KIF1B: variants seen among roughly 807,000 people sequenced by gnomAD.
KIF1B encodes the protein kinesin-like protein KIF1B.
Under a neutral mutation model 241.9 loss-of-function variants are expected in KIF1B, and 76 were observed. The observed-to-expected ratio is 0.31, with a 90% CI of 0.26 to 0.38. The LOEUF is 0.38. Ranked by LOEUF, KIF1B falls within the 10% of genes least tolerant of loss-of-function variation. KIF1B has a pLI of 1.00. For synonymous variants in KIF1B, 750 were observed against 796.7 expected (o/e 0.94, Z 0.99); for missense variants, 1,622 against 2,271.4 (o/e 0.71, Z 5.81).
At chr1:10,225,100 C>T (rs768207833) in intron 1 of KIF1B, among the ~76,000 whole-genome samples, 2 of 152,178 alleles carry the variant, frequency 1.3e-5, no homozygotes, top group Non-Finnish European at 2.9e-5. Flanking sequence ...GCCCACCGCT[C>T]ACCTCCTGCT....
intron 1 of KIF1B, among the ~76,000 whole-genome samples, chr1:10,213,196 T>C (rs1646720558): frequency 6.6e-6 from 1 of 152,108 alleles, no homozygotes; most frequent in Non-Finnish European, 1.5e-5. Context: ...ATATTTTTGA[T>C]TAAAAATAAT....
chr1:10,263,053 C>T (rs756965144), intron 5 of KIF1B, among the ~76,000 whole-genome samples: 3 of 151,982 alleles, frequency 2.0e-5, no homozygotes, highest in Non-Finnish European at 2.9e-5. Context: ...CTTCGGGAGG[C>T]GAATGGATCA....
At position 10,320,207 on chromosome 1, in the gene KIF1B, G is replaced by A. The variant is rs1651466483; in HGVS notation, c.2209+71G>A. On this transcript the variant is annotated intron_variant, in intron 23 of 48. Transcript: ENST00000676179. ...TTATATTATCAAATTAGTCATTTATGCATAATCAAAGCTGGATTCCTCTTA... is the reference window on the plus strand; with the variant it reads ...TTATATTATCAAATTAGTCATTTATACATAATCAAAGCTGGATTCCTCTTA... The A allele has an allele frequency of 7.6e-6, 8 of 1,047,104 alleles. No homozygotes were observed. In the Admixed American group the frequency reaches 1.4e-4, roughly 18 times the overall value. 64.9% of individuals were successfully genotyped at this position (1,047,104 alleles called of 1,614,324 possible).
rs1054467688 is a variant in KIF1B, at chr1:10,345,879, C to A, written c.3723C>A (p.Thr1241=). 9 of 1,614,188 alleles carry A rather than the reference C, an allele frequency of 5.6e-6. No individual in the cohort carries two copies. The highest frequency in any genetic ancestry group is 7.6e-6 in the Non-Finnish European group (9 of 1,180,018). The change falls in exon 35 of 49, where the codon ACC becomes ACA. Residue 1241 remains threonine, a synonymous_variant. Transcript: ENST00000676179. The stretch of plus-strand genomic sequence containing the variant: ...CCAAGTTAAACACGATGAGCAAAAC[C>A]AGCCTTGGCCAGAGCATGAGCAAGT... ...PATKLNTMSK[T]SLGQSMSKYD... is the part of the protein sequence containing the mutation.
At chr1:10,324,107 A>T (rs1236131187) in intron 25 of KIF1B, 45 bp downstream of exon 25, 1 of 1,582,706 alleles carries the variant, frequency 6.3e-7, no homozygotes, top group Non-Finnish European at 8.7e-7. Context: ...TTAGGAAATA[A>T]CAATGACCTG....
chr1:10,260,501 A>G (rs1239265747), intron 4 of KIF1B, among the ~76,000 whole-genome samples: 3 of 152,216 alleles, frequency 2.0e-5, no homozygotes, highest in Admixed American at 6.5e-5. Flanking sequence ...TTAAATTACT[A>G]TAACTTTTTT....
chr1:10,279,205 C>T, intron 14 of KIF1B, 67 bp downstream of exon 14: 1 of 1,071,404 alleles, frequency 9.3e-7, no homozygotes, highest in Non-Finnish European at 1.4e-6. Context: ...CTGGATCAGC[C>T]TTAAAATAAG....
chr1:10,285,398 A>G (rs1421534787), intron 15 of KIF1B, among the ~76,000 whole-genome samples: 1 of 152,208 alleles, frequency 6.6e-6, no homozygotes, highest in African/African-American at 2.4e-5. Flanking sequence ...AGACTCTTCA[A>G]GATTCAGGTA....
chr1:10,334,633 T>C lies in KIF1B; in HGVS notation c.3038T>C (p.Ile1013Thr), dbSNP rs1390367099. Residue 1013 changes from isoleucine (I) to threonine (T), a missense_variant, in exon 28 of 49, where the codon ATC becomes ACC. Transcript: ENST00000676179. ...TTTCTGCGTGTGGCTGTACAGGCCA[T>C]CGCAGGTAGGTGACCCTCTTCTGAA... ...RGFLRVAVQA[I>T]AADEEAPDYG... is the part of the protein sequence containing the mutation. The C allele has an allele frequency of 1.2e-6, 2 of 1,611,258 alleles. No homozygotes were observed. Among genetic ancestry groups the C allele is most frequent in the Non-Finnish European group, 1.7e-6 (2 of 1,177,454 alleles).
intron 1 of KIF1B, among the ~76,000 whole-genome samples, chr1:10,230,211 T>A (rs1007125073): frequency 6.6e-6 from 1 of 152,100 alleles, no homozygotes; most frequent in Non-Finnish European, 1.5e-5. Flanking sequence ...TTTATCCTGT[T>A]CTCGGGAACA....
intron 25 of KIF1B, 36 bp from the exon 26 acceptor site, chr1:10,324,719 CATT>C: frequency 6.2e-7 from 1 of 1,608,348 alleles, no homozygotes; most frequent in Non-Finnish European, 8.5e-7. Context: ...AATGCAATCT[CATT>C]ATATTAACCC....
intron 7 of KIF1B, 52 bp downstream of exon 7, chr1:10,268,315 G>T (rs1452415183): frequency 2.4e-6 from 3 of 1,251,922 alleles, no homozygotes; most frequent in Non-Finnish European, 3.5e-6. Context: ...GAGATTTTGA[G>T]AAGTCCCTTT....
chr1:10,231,408 T>C (rs926865063), intron 1 of KIF1B, among the ~76,000 whole-genome samples: 31 of 122,586 alleles, frequency 2.5e-4, no homozygotes, highest in Non-Finnish European at 4.5e-4. Context: ...TTTTGTGAGA[T>C]GGTGTCTTGC....
intron 15 of KIF1B, among the ~76,000 whole-genome samples, chr1:10,290,308 T>C (rs1416973662): frequency 6.6e-6 from 1 of 152,110 alleles, no homozygotes; most frequent in Non-Finnish European, 1.5e-5. Context: ...CTTATATTTA[T>C]ATAAGTGTAA....
At chr1:10,307,381 C>T (rs1168284773) in intron 22 of KIF1B, 10 of 691,836 alleles carry the variant, frequency 1.4e-5, no homozygotes, top group Admixed American at 6.1e-5. Context: ...ACAATCTCAG[C>T]TCACTGCAAC....
At chr1:10,339,690 C>T in intron 31 of KIF1B, 79 bp from the exon 32 acceptor site, 1 of 1,143,896 alleles carries the variant, frequency 8.7e-7, no homozygotes, top group Non-Finnish European at 1.3e-6. Context: ...TCTGTAGGAT[C>T]CACATTGGGC....
chr1:10,329,315 A>G (rs1326347437), intron 27 of KIF1B, among the ~76,000 whole-genome samples: 1 of 152,212 alleles, frequency 6.6e-6, no homozygotes, highest in African/African-American at 2.4e-5. Context: ...ACAATAATGC[A>G]ACATCACCCA....
rs1020134150 is a variant in KIF1B at position 10,368,518 on chromosome 1, G to C, written c.4804G>C (p.Gly1602Arg). The C allele has an allele frequency of 6.2e-7, 1 of 1,613,832 alleles. No individual in the cohort carries two copies. Among genetic ancestry groups the C allele is most frequent in the South Asian group, 1.1e-5 (1 of 91,074 alleles). Reference protein sequence around the residue: ...TFNREFSQVHGSVSDCKLSDI... With the variant: ...TFNREFSQVHRSVSDCKLSDI... ...CAACAGAGAATTCAGCCAGGTGCAC[G>C]GCAGCGTCAGTGACTGTAAGGTGAG... is the stretch of plus-strand genomic sequence containing the variant. The change falls in exon 44 of 49, where the codon GGC becomes CGC. Residue 1602 changes from glycine (G) to arginine (R), a missense_variant. Physicochemically the swap from Gly to Arg is moderately radical, Grantham distance 125. Coordinates refer to ENST00000676179, the MANE Select transcript of KIF1B (RefSeq NM_001365951.3).
chr1:10,349,642 A>G (rs1404475145), intron 37 of KIF1B, among the ~76,000 whole-genome samples: 1 of 150,790 alleles, frequency 6.6e-6, no homozygotes, highest in Non-Finnish European at 1.5e-5. Flanking sequence ...TTTTTTCCAG[A>G]CACAAGCATT....
Sources: allele counts gnomAD v4.1 joint callset (sites outside exome capture counted in the v4.1 genomes callset), GRCh38; gene constraint gnomAD v4.1.1; transcripts MANE v1.5; gene names NCBI Gene and HGNC (gene_info 2026-07-23, HGNC 2026-07-21).